RAP1GDS1: variants seen among roughly 807,000 people sequenced by gnomAD.
The protein encoded by RAP1GDS1 is RAP1, GTP-GDP dissociation stimulator 1.
In RAP1GDS1, 35 loss-of-function variants were observed where a neutral mutation model predicts 71.1. The ratio of observed to expected loss-of-function variants is 0.49; its 90% CI spans 0.38 to 0.65. The LOEUF (loss-of-function observed/expected upper bound fraction) is 0.65. Ranked by LOEUF, RAP1GDS1 falls within the 30% of genes least tolerant of loss-of-function variation. The pLI, the probability that RAP1GDS1 is intolerant of heterozygous loss-of-function variation, is 0.00. For synonymous variants in RAP1GDS1, 229 were observed against 243.1 expected (o/e 0.94, Z 0.54); for missense variants, 663 against 706.1 (o/e 0.94, Z 0.69).
chr4:98,310,287 T>A (rs1730011742), intron 2 of RAP1GDS1, among the ~76,000 whole-genome samples: 1 of 152,130 alleles, frequency 6.6e-6, no homozygotes. Context: ...GACTGATAGA[T>A]AAATGTTAAA....
intron 5 of RAP1GDS1, among the ~76,000 whole-genome samples, chr4:98,390,320 T>C (rs1281931580): frequency 1.3e-5 from 2 of 152,146 alleles, no homozygotes; most frequent in Non-Finnish European, 2.9e-5. Context: ...CAGAAAAAAA[T>C]TTAACATCAA....
chr4:98,388,167 T>C (rs1291490926), intron 5 of RAP1GDS1, among the ~76,000 whole-genome samples: 1 of 152,158 alleles, frequency 6.6e-6, no homozygotes, highest in Non-Finnish European at 1.5e-5. Flanking sequence ...ACCTACTGAA[T>C]TGTAACATCT....
chr4:98,304,589 A>G (rs1178969503), intron 2 of RAP1GDS1, among the ~76,000 whole-genome samples: 1 of 152,102 alleles, frequency 6.6e-6, no homozygotes, highest in Non-Finnish European at 1.5e-5. Flanking sequence ...AATTCTGGAT[A>G]TTAGACCTTT....
At chr4:98,314,107 C>T (rs999679439) in intron 2 of RAP1GDS1, among the ~76,000 whole-genome samples, 12 of 151,906 alleles carry the variant, frequency 7.9e-5, no homozygotes, top group African/African-American at 2.4e-4. Context: ...TTATTTGGCT[C>T]GTAATAACTT....
chr4:98,276,135 G>A (rs879188975), intron 1 of RAP1GDS1, among the ~76,000 whole-genome samples: 2 of 152,066 alleles, frequency 1.3e-5, no homozygotes, highest in Admixed American at 1.3e-4. Context: ...TGGTTTATAG[G>A]TCATCTTTTC....
At chr4:98,406,635 A>G (rs546909072) in intron 7 of RAP1GDS1, among the ~76,000 whole-genome samples, 1 of 152,218 alleles carries the variant, frequency 6.6e-6, no homozygotes, top group Admixed American at 6.5e-5. Context: ...AAGGTTATAG[A>G]AAATTTGAAA....
chr4:98,264,396 C>CA (rs908814905), intron 1 of RAP1GDS1, among the ~76,000 whole-genome samples: 1 of 150,832 alleles, frequency 6.6e-6, no homozygotes, highest in African/African-American at 2.4e-5. Flanking sequence ...AACTCTGTCT[C>CA]AAAAAAAATA....
At chr4:98,328,329 T>G (rs1297902358) in intron 2 of RAP1GDS1, among the ~76,000 whole-genome samples, 2 of 152,198 alleles carry the variant, frequency 1.3e-5, no homozygotes, top group Non-Finnish European at 2.9e-5. Context: ...AAAGTAGCAT[T>G]GAGGTGCGTA....
chr4:98,292,947 T>TA (rs1223717549), intron 1 of RAP1GDS1, among the ~76,000 whole-genome samples: 1 of 152,196 alleles, frequency 6.6e-6, no homozygotes, highest in African/African-American at 2.4e-5. Context: ...GTTTTGTAGT[T>TA]ATCACACTTT....
chr4:98,434,097 T>C lies in RAP1GDS1; in HGVS notation c.1567+35T>C, dbSNP rs184983849. The C allele has an allele frequency of 2.5e-6, 4 of 1,604,854 alleles. No individual in the cohort carries two copies. In the Admixed American group the frequency reaches 6.7e-5, roughly 27 times the overall value. On this transcript the variant is annotated intron_variant, in intron 13 of 14. Coordinates refer to ENST00000408927, the MANE Select transcript of RAP1GDS1 (RefSeq NM_001100427.2). ...CCAGTGACAAACTTATTTTCTTCTA[T>C]TTTTATCTTGGATGAAAGGAAGTAT... is the stretch of plus-strand genomic sequence containing the variant.
intron 6 of RAP1GDS1, among the ~76,000 whole-genome samples, chr4:98,398,435 A>G (rs1368166944): frequency 6.6e-6 from 1 of 152,178 alleles, no homozygotes; most frequent in African/African-American, 2.4e-5. Context: ...AAATTTTACA[A>G]TGCTGAGGAC....
chr4:98,275,859 T>A (rs756153399), intron 1 of RAP1GDS1, among the ~76,000 whole-genome samples: 64 of 152,174 alleles, frequency 4.2e-4, no homozygotes, highest in Non-Finnish European at 7.6e-4. Flanking sequence ...ACCTCTTTAC[T>A]GTAAACATGT....
chr4:98,380,914 T>C (rs1383370116), intron 5 of RAP1GDS1, among the ~76,000 whole-genome samples: 1 of 151,660 alleles, frequency 6.6e-6, no homozygotes, highest in African/African-American at 2.4e-5. Context: ...AAAAAATCTG[T>C]ATAGAGGTAT....
In RAP1GDS1 at chr4:98,437,164, G is replaced by C. The variant is rs1295889905; in HGVS notation, c.1696+96G>C. 10 of 1,266,542 alleles carry C rather than the reference G, an allele frequency of 7.9e-6. No homozygotes were observed. The Admixed American group carries it at 3.1e-4, about 39-fold the overall frequency. 78.5% of individuals were successfully genotyped at this position (1,266,542 alleles called of 1,614,324 possible). ...GTAAATGATGGTTTTGGGTTTTAAA[G>C]CCGTTAGAAATTAGTTTATGGAGGT... On this transcript the variant is annotated intron_variant, in intron 14 of 14. Coordinates refer to ENST00000408927, the MANE Select transcript of RAP1GDS1 (RefSeq NM_001100427.2).
intron 5 of RAP1GDS1, among the ~76,000 whole-genome samples, chr4:98,390,812 G>A (rs1287239817): frequency 6.6e-6 from 1 of 152,142 alleles, no homozygotes; most frequent in Non-Finnish European, 1.5e-5. Flanking sequence ...GTTTTTGTAA[G>A]AAAGTTTTGT....
chr4:98,357,389 C>T (rs2110433782), intron 4 of RAP1GDS1, among the ~76,000 whole-genome samples: 1 of 151,950 alleles, frequency 6.6e-6, no homozygotes, highest in South Asian at 2.1e-4. Flanking sequence ...TATTAAAGTA[C>T]ATCATGTGTA....
chr4:98,271,452 C>T (rs1723442650), intron 1 of RAP1GDS1, among the ~76,000 whole-genome samples: 1 of 152,040 alleles, frequency 6.6e-6, no homozygotes, highest in Non-Finnish European at 1.5e-5. Flanking sequence ...TCATTTCAAG[C>T]CGCTAAAATA....
Position 98,386,190 on chromosome 4 carries a change from A to T in RAP1GDS1, c.509-5762A>T, listed in dbSNP as rs147988095. Among the ~76,000 whole-genome samples the T allele has an allele frequency of 1.6e-3, 244 of 152,060 alleles. 2 individuals are homozygous for T. The highest frequency in any genetic ancestry group is 5.7e-3 in the African/African-American group (236 of 41,566). ...TTCATTGTAACAAAAGTTGATCTGT[A>T]ACAAATAATTAACCTGTAGTAAATA... On this transcript the variant is annotated intron_variant, in intron 5 of 14. Coordinates refer to ENST00000408927, the MANE Select transcript of RAP1GDS1 (RefSeq NM_001100427.2).
intron 1 of RAP1GDS1, among the ~76,000 whole-genome samples, chr4:98,283,817 A>ATTTTTTTTTTTTTTTTTTTTTT (rs10582639): frequency 2.2e-5 from 3 of 133,966 alleles, no homozygotes; most frequent in Non-Finnish European, 3.2e-5. Flanking sequence ...TTTCATTGTG[A>ATTTTTTTTTTTTTTTTTTTTTT]TTTTTTTTTT....
Sources: allele counts gnomAD v4.1 joint callset (sites outside exome capture counted in the v4.1 genomes callset), GRCh38; gene constraint gnomAD v4.1.1; transcripts MANE v1.5; gene names NCBI Gene and HGNC (gene_info 2026-07-23, HGNC 2026-07-21).